The following GZF1 variants were observed in gnomAD, a reference collection of about 807,000 sequenced individuals.
GZF1 encodes the protein GDNF-inducible zinc finger protein 1.
A neutral mutation model predicts 49.4 loss-of-function variants in GZF1; 28 were observed. The observed-to-expected ratio is 0.57, with a 90% CI of 0.42 to 0.78. GZF1 has a LOEUF of 0.78. Ranked by LOEUF, GZF1 falls within the 30% of genes least tolerant of loss-of-function variation. The pLI, the probability that GZF1 is intolerant of heterozygous loss-of-function variation, is 0.00. For missense variants in GZF1, 798 were observed against 916.2 expected (o/e 0.87, Z 1.67); for synonymous variants, 364 against 356.0 (o/e 1.02, Z -0.25).
At position 23,371,267 on chromosome 20, in the gene GZF1, G is replaced by C. The variant is rs896371927; in HGVS notation, c.*826G>C. ...AAAATTAAGACGCTTTAGAGTACTT[G>C]AAAGTTGTGTAGTCATTTTATTTGC... On this transcript the variant is annotated 3_prime_UTR_variant, in exon 6 of 6. Coordinates refer to ENST00000338121, the MANE Select transcript of GZF1 (RefSeq NM_022482.5). 1.3e-5 allele frequency: 2 copies of C among 152,648 alleles called. No individual in the cohort carries two copies. The highest frequency in any genetic ancestry group is 2.4e-5 in the African/African-American group (1 of 41,452). The allele number at this position is 152,648 out of a possible 1,614,324, so 9.5% of individuals were successfully genotyped here.
At position 23,370,611 on chromosome 20, in the gene GZF1, A is replaced by G; in HGVS notation, c.*170A>G. The G allele has an allele frequency of 1.7e-6, 1 of 598,516 alleles. No homozygotes were observed. The allele number at this position is 598,516 out of a possible 1,614,324, so 37.1% of individuals were successfully genotyped here. A position where few individuals can be genotyped will look rare whatever the true frequency, so the allele number is the denominator to read the frequency against. On this transcript the variant is annotated 3_prime_UTR_variant, in exon 6 of 6. Transcript: ENST00000338121. ...GCACGGCTTTATCACAGCATTTTTA[A>G]AGCTTTCCCTCAAAAATCCTGATCT...
At chr20:23,363,362 G>A (rs932325322) in intron 1 of GZF1, 1 of 152,460 alleles carries the variant, frequency 6.6e-6, no homozygotes, top group African/African-American at 2.4e-5. Context: ...CATTCAGGGA[G>A]TTTGTGGCAA....
In GZF1 at chr20:23,365,504, A is replaced by G; in HGVS notation, c.1121A>G (p.Glu374Gly). The change falls in exon 2 of 6, where the codon GAG (glutamate) becomes GGG (glycine). Residue 374 changes from glutamate to glycine, a missense_variant. By Grantham distance (98) the Glu-to-Gly change is moderately conservative. Transcript: ENST00000338121. Reference sequence around the variant, plus strand: ...CACCAGCGCCACGTGCACAGCAGCGAGCGCCATTTCCCATGCGAGCTGTGC... The same window carrying G: ...CACCAGCGCCACGTGCACAGCAGCGGGCGCCATTTCCCATGCGAGCTGTGC... ...KSHQRHVHSS[E>G]RHFPCELCGK... The G allele has an allele frequency of 6.2e-7, 1 of 1,613,836 alleles. No individual in the cohort carries two copies. The highest frequency in any genetic ancestry group is 8.5e-7 in the Non-Finnish European group (1 of 1,179,958).
In GZF1 at chr20:23,365,035, A is replaced by G; in HGVS notation, c.652A>G (p.Lys218Glu). 2 of 1,614,162 alleles carry G rather than the reference A, an allele frequency of 1.2e-6. No individual in the cohort carries two copies. The highest frequency in any genetic ancestry group is 1.7e-6 in the Non-Finnish European group (2 of 1,180,032). Residue 218 changes from lysine (K) to glutamate (E), a missense_variant, in exon 2 of 6, where the codon AAA becomes GAA. Physicochemically the swap from Lys to Glu is moderately conservative, Grantham distance 56 (BLOSUM62 1). Coordinates refer to ENST00000338121, the MANE Select transcript of GZF1 (RefSeq NM_022482.5). ...KKEVVKPPYP[K>E]IRRASGRLAG... ...AGAGGTAGTTAAACCTCCCTACCCT[A>G]AAATCAGGAGAGCTAGTGGAAGGCT... is the stretch of plus-strand genomic sequence containing the variant.
chr20:23,368,553 C>G (rs1981679735), intron 3 of GZF1, among the ~76,000 whole-genome samples: 2 of 152,164 alleles, frequency 1.3e-5, no homozygotes, highest in Non-Finnish European at 2.9e-5. Context: ...ATTTTTCTTG[C>G]AATTTCCAAG....
At chr20:23,369,977 G>A in intron 5 of GZF1, 114 bp from the exon 6 acceptor site, 1 of 979,498 alleles carries the variant, frequency 1.0e-6, no homozygotes, top group Admixed American at 2.2e-5. Context: ...GTGGTGGCAG[G>A]CGGGTACTTA....
At chr20:23,363,068 T>C (rs2123022574) in intron 1 of GZF1, among the ~76,000 whole-genome samples, 1 of 152,294 alleles carries the variant, frequency 6.6e-6, no homozygotes, top group Non-Finnish European at 1.5e-5. Flanking sequence ...TCAAGCCTCA[T>C]AGGTACCTGT....
At position 23,365,657 on chromosome 20, in the gene GZF1, A is replaced by C; in HGVS notation, c.1274A>C (p.His425Pro). The C allele has an allele frequency of 6.2e-7, 1 of 1,600,514 alleles. No individual in the cohort carries two copies. The change falls in exon 2 of 6, where the codon CAC becomes CCC. Residue 425 changes from histidine (H) to proline (P), a missense_variant. By Grantham distance (77) the His-to-Pro change is moderately conservative (BLOSUM62 -2). Transcript: ENST00000338121. Reference sequence around the variant, plus strand: ...AGTTCCAAGACAGCGCTGCGGCTGCACGAGCGCACACACACGGGAGACCGG... The same window carrying C: ...AGTTCCAAGACAGCGCTGCGGCTGCCCGAGCGCACACACACGGGAGACCGG... ...GLSSKTALRL[H>P]ERTHTGDRPY...
At chr20:23,361,249 G>A (rs1234052833), upstream of GZF1, among the ~76,000 whole-genome samples, 2 of 152,218 alleles carry the variant, frequency 1.3e-5, no homozygotes, top group African/African-American at 4.8e-5. Flanking sequence ...ACCTGGCAAA[G>A]CTTTACCAAT....
In GZF1 at chr20:23,365,151, G is replaced by A. The variant is rs1289754144; in HGVS notation, c.768G>A (p.Gly256=). The A allele has an allele frequency of 6.2e-7, 1 of 1,613,802 alleles. No individual in the cohort carries two copies. The highest frequency in any genetic ancestry group is 1.3e-5 in the African/African-American group (1 of 74,922). ...AGAAAACTGCTGAGGGTGATGTGGG[G>A]GACTACAGGTGTCCCCAGGACCAAA... The part of the protein sequence containing the change: ...EQQKTAEGDV[G]DYRCPQDQSP... The change falls in exon 2 of 6, where the codon GGG becomes GGA. Residue 256 remains glycine (G), a synonymous_variant. Transcript: ENST00000338121.
rs1394140623 is a variant in GZF1, at chr20:23,364,817, A to G, written c.434A>G (p.Glu145Gly). ...CTTTTGGAGTTGCAAAATTTCTCAG[A>G]GTCTCAGGAGGTGGAGGTGAGCAGT... is the stretch of plus-strand genomic sequence containing the variant. Reference protein sequence around the residue: ...SVLLELQNFSESQEVEVSSGS... With the variant: ...SVLLELQNFSGSQEVEVSSGS... The change falls in exon 2 of 6, where the codon GAG (glutamate) becomes GGG (glycine). Residue 145 changes from glutamate (E) to glycine (G), a missense_variant. Glu to Gly is a moderately conservative substitution (Grantham distance 98). Around this residue, in one of 3 missense-constraint regions of GZF1, gnomAD observed 247 missense variants for 228.5 expected, o/e 1.08. Transcript: ENST00000338121. 3 of 1,614,128 alleles carry G rather than the reference A, an allele frequency of 1.9e-6. No homozygotes were observed. In the African/African-American group the frequency reaches 4.0e-5, roughly 22 times the overall value.
Position 23,365,709 on chromosome 20 carries a change from C to T in GZF1, c.1326C>T (p.Ala442=), listed in dbSNP as rs1165773753. ...DRPYGCTECG[A]RFSQPSALKT... is the part of the protein sequence containing the mutation. ...CCTACGGCTGCACCGAGTGCGGCGC[C>T]AGGTTCTCGCAGCCGTCCGCGCTCA... The change falls in exon 2 of 6, where the codon GCC becomes GCT. Residue 442 remains alanine, a synonymous_variant. Coordinates refer to ENST00000338121, the MANE Select transcript of GZF1 (RefSeq NM_022482.5). The T allele has an allele frequency of 1.9e-6, 3 of 1,561,312 alleles. No homozygotes were observed. The highest frequency in any genetic ancestry group is 4.5e-5 in the East Asian group (2 of 44,346).
Position 23,370,420 on chromosome 20 carries a change from C to T in GZF1, c.2115C>T (p.His705=), listed in dbSNP as rs765379149. ...PQTDSMPTQL[H]SLSNME ...CAGACTCGATGCCCACACAGCTTCA[C>T]TCTTTGAGCAACATGGAATAAGAGC... Residue 705 remains histidine, a synonymous_variant, in exon 6 of 6, where the codon CAC becomes CAT. Coordinates refer to ENST00000338121, the MANE Select transcript of GZF1 (RefSeq NM_022482.5). The T allele has an allele frequency of 6.2e-7, 1 of 1,611,628 alleles. No individual in the cohort carries two copies.
Position 23,370,661 on chromosome 20 carries a change from CA to C in GZF1, c.*225del. 1.8e-6 allele frequency: 1 copy of C among 547,834 alleles called. No homozygotes were observed. The highest frequency in any genetic ancestry group is 3.2e-6 in the Non-Finnish European group (1 of 308,988). 33.9% of individuals were successfully genotyped at this position (547,834 alleles called of 1,614,324 possible). On this transcript the variant is annotated 3_prime_UTR_variant, in exon 6 of 6. Coordinates refer to ENST00000338121, the MANE Select transcript of GZF1 (RefSeq NM_022482.5). ...TGCATGATCTCAGCTACTTTATTGA[CA>C]AAAAGGCAGTGAACATAACCTCACT...
chr20:23,363,082 C>T (rs1365689671), intron 1 of GZF1: 3 of 152,334 alleles, frequency 2.0e-5, no homozygotes, highest in African/African-American at 4.8e-5. Flanking sequence ...TACCTGTTTA[C>T]AGCGGAACTC....
Position 23,372,040 on chromosome 20 carries a change from G to A in GZF1, c.*1599G>A, listed in dbSNP as rs1457029930. 1 of 152,572 alleles carries A rather than the reference G, an allele frequency of 6.6e-6. No homozygotes were observed. Among genetic ancestry groups the A allele is most frequent in the Non-Finnish European group, 1.5e-5 (1 of 68,036 alleles). 9.5% of individuals were successfully genotyped at this position (152,572 alleles called of 1,614,324 possible). A position where few individuals can be genotyped will look rare whatever the true frequency, so the allele number is the denominator to read the frequency against. The stretch of plus-strand genomic sequence containing the variant: ...GACAGTGTCACTGTATCCTAGTTAT[G>A]TTTACAGCACAAATAAATAATGACT... On this transcript the variant is annotated 3_prime_UTR_variant, in exon 6 of 6. Transcript: ENST00000338121.
intron 2 of GZF1, among the ~76,000 whole-genome samples, chr20:23,366,478 C>T (rs1213201506): frequency 2.0e-5 from 3 of 152,172 alleles, no homozygotes; most frequent in Admixed American, 6.5e-5. Flanking sequence ...TTGATTGCTA[C>T]TTCATACTAG....
At chr20:23,366,916 C>A (rs999072) in intron 2 of GZF1, 87 bp from the exon 3 acceptor site, 3 of 908,962 alleles carry the variant, frequency 3.3e-6, no homozygotes, top group African/African-American at 1.6e-5. Flanking sequence ...TTGGAGTAAA[C>A]GATTTTTGCA....
rs1600546772 is a variant in GZF1, at chr20:23,372,696, G to A, written c.*2255G>A. On this transcript the variant is annotated 3_prime_UTR_variant, in exon 6 of 6. Transcript: ENST00000338121. Reference sequence around the variant, plus strand: ...AAGCACAGCCATGCTGAGTGGAAGCGAGGCCACCATCTGAGTGGATTGGTC... The same window carrying A: ...AAGCACAGCCATGCTGAGTGGAAGCAAGGCCACCATCTGAGTGGATTGGTC... 2 of 152,286 alleles carry A rather than the reference G, an allele frequency of 1.3e-5. No individual in the cohort carries two copies. The highest frequency in any genetic ancestry group is 6.5e-5 in the Admixed American group (1 of 15,286). 9.4% of individuals were successfully genotyped at this position (152,286 alleles called of 1,614,324 possible). A position where few individuals can be genotyped will look rare whatever the true frequency, so the allele number is the denominator to read the frequency against.
Sources: gnomAD v4.1 joint callset for allele counts (sites outside exome capture counted in the v4.1 genomes callset) on GRCh38, gnomAD v4.1.1 for gene constraint, gnomAD v4.1.1 regional missense constraint, MANE v1.5 for transcripts, NCBI Gene and HGNC (gene_info 2026-07-23, HGNC 2026-07-21) for gene names.